NUP98: variants seen among roughly 807,000 people sequenced by gnomAD.
The protein encoded by NUP98 is nucleoporin 98 and 96 precursor.
NUP98 carries 26 observed loss-of-function variants against 191.9 expected under a neutral mutation model. That is an observed-to-expected ratio of 0.14 (90% CI 0.10 to 0.19). NUP98 has a LOEUF of 0.19. Among genes scored for constraint, NUP98 ranks in the 10% least tolerant of loss-of-function variants. NUP98 has a pLI of 1.00. For missense variants in NUP98, 1,941 were observed against 2,178.8 expected, an observed-to-expected ratio of 0.89 and a Z score of 2.17; for synonymous variants, 808 against 778.4, an observed-to-expected ratio of 1.04 and a Z score of -0.63.
At chr11:3,790,323 G>A (rs971822554) in intron 1 of NUP98, among the ~76,000 whole-genome samples, 3 of 152,144 alleles carry the variant, frequency 2.0e-5, no homozygotes, top group African/African-American at 7.2e-5. Context: ...AAGCTGCTCT[G>A]GCTGAAGTGA....
intron 20 of NUP98, among the ~76,000 whole-genome samples, chr11:3,708,302 G>C (rs1327886663): frequency 2.0e-5 from 3 of 152,114 alleles, no homozygotes; most frequent in Non-Finnish European, 4.4e-5. Flanking sequence ...AGAAAAAATG[G>C]GGAGGGGGAG....
chr11:3,705,826 T>C (rs892710519), intron 21 of NUP98, among the ~76,000 whole-genome samples: 4 of 152,210 alleles, frequency 2.6e-5, no homozygotes, highest in African/African-American at 9.6e-5. Flanking sequence ...ACAGCTATTA[T>C]ATGACTTGCA....
chr11:3,741,812 T>C (rs927732228), intron 12 of NUP98, among the ~76,000 whole-genome samples: 1 of 152,182 alleles, frequency 6.6e-6, no homozygotes, highest in Non-Finnish European at 1.5e-5. Flanking sequence ...ACAAGAGCAT[T>C]AGACCATCAG....
chr11:3,779,116 G>A, intron 3 of NUP98, 40 bp downstream of exon 3: 1 of 1,612,356 alleles, frequency 6.2e-7, no homozygotes, highest in East Asian at 2.2e-5. Context: ...TCCTATACTA[G>A]CTACAAACAA....
Position 3,725,213 on chromosome 11 carries a change from G to A in NUP98, c.1737C>T (p.Ser579=). Residue 579 remains serine, a synonymous_variant, in exon 15 of 33, where the codon AGC becomes AGT. Transcript: ENST00000324932. ...GGTTCTTCAAAACCAACTTCTTAAT[G>A]CTCTTCCTATAAACAAGAAACCAAA... ...LANGAFMPKK[S]IKKLVLKNLN... is the part of the protein sequence containing the mutation. The A allele has an allele frequency of 2.7e-6, 4 of 1,456,050 alleles. No individual in the cohort carries two copies. Among genetic ancestry groups the A allele is most frequent in the Non-Finnish European group, 3.8e-6 (4 of 1,041,796 alleles). The allele number at this position is 1,456,050 out of a possible 1,614,324, so 90.2% of individuals were successfully genotyped here. A position where few individuals can be genotyped will look rare whatever the true frequency, so the allele number is the denominator to read the frequency against.
At chr11:3,797,081 G>A (rs1271545942) in intron 1 of NUP98, among the ~76,000 whole-genome samples, 2 of 152,250 alleles carry the variant, frequency 1.3e-5, no homozygotes, top group African/African-American at 4.8e-5. Context: ...ACCCCGGAAA[G>A]GCCAGCCCAC....
chr11:3,797,161 G>A (rs1319507317), intron 1 of NUP98, among the ~76,000 whole-genome samples: 2 of 152,254 alleles, frequency 1.3e-5, no homozygotes, highest in Non-Finnish European at 2.9e-5. Context: ...GGCAGCAACT[G>A]GAGACCTCCA....
chr11:3,702,311 A>ACTCTCTCT (rs2078716567), intron 23 of NUP98, 152 bp downstream of exon 23: 11 of 423,994 alleles, frequency 2.6e-5, no homozygotes, highest in Admixed American at 4.5e-5. Context: ...ACACACACAC[A>ACTCTCTCT]CACTCTCTCT....
chr11:3,782,194 TA>T, intron 1 of NUP98, 49 bp from the exon 2 acceptor site: 1 of 998,842 alleles, frequency 1.0e-6, no homozygotes, highest in Non-Finnish European at 1.5e-6. Context: ...CAAAATGGAA[TA>T]TAATTGTTTT....
intron 31 of NUP98, among the ~76,000 whole-genome samples, chr11:3,676,888 A>G (rs1458119536): frequency 2.6e-5 from 4 of 152,194 alleles, no homozygotes; most frequent in Admixed American, 6.5e-5. Context: ...TTAATAACAC[A>G]GCACCAAAAA....
intron 20 of NUP98, among the ~76,000 whole-genome samples, chr11:3,710,845 C>T (rs2079007377): frequency 6.6e-6 from 1 of 152,186 alleles, no homozygotes; most frequent in Admixed American, 6.5e-5. Flanking sequence ...GTAAACAAAA[C>T]CTAAAGTCTG....
In NUP98 at chr11:3,768,649, T is replaced by C. The variant is rs1336967788; in HGVS notation, c.880A>G (p.Thr294Ala). Residue 294 changes from threonine (T) to alanine (A), a missense_variant, in exon 8 of 33, where the codon ACC becomes GCC. Transcript: ENST00000324932. ...AAGGAAAAGCCAGTGTTCTGGGTGG[T>C]TGTAGCCTGGCCAAATGGTTTGCTG... The part of the protein sequence containing the change: ...LFSKPFGQAT[T>A]TQNTGFSFGN... 1 of 1,611,948 alleles carries C rather than the reference T, an allele frequency of 6.2e-7. No homozygotes were observed. Among genetic ancestry groups the C allele is most frequent in the East Asian group, 2.2e-5 (1 of 44,878 alleles).
intron 25 of NUP98, among the ~76,000 whole-genome samples, chr11:3,697,820 TAAAAAAAA>T (rs199874258): frequency 4.1e-5 from 4 of 97,158 alleles, no homozygotes; most frequent in South Asian, 7.4e-4. Context: ...GACTCTGTCT[TAAAAAAAA>T]AAAAAAAAAA....
chr11:3,781,325 G>T (rs2081959685), intron 2 of NUP98: 1 of 151,758 alleles, frequency 6.6e-6, no homozygotes. Flanking sequence ...TGTTAAAGTT[G>T]GGATATAAGT....
At chr11:3,759,610 A>C (rs904752119) in intron 10 of NUP98, among the ~76,000 whole-genome samples, 4 of 152,108 alleles carry the variant, frequency 2.6e-5, no homozygotes, top group African/African-American at 9.7e-5. Flanking sequence ...AAAATAAATA[A>C]ATAAATAAAT....
At chr11:3,676,688 T>G in intron 31 of NUP98, 68 bp from the exon 32 acceptor site, 1 of 1,213,408 alleles carries the variant, frequency 8.2e-7, no homozygotes. Flanking sequence ...ACCTATAGAC[T>G]CTACACAAAA....
intron 2 of NUP98, among the ~76,000 whole-genome samples, chr11:3,779,583 G>A (rs1371620364): frequency 6.6e-6 from 1 of 151,968 alleles, no homozygotes; most frequent in Non-Finnish European, 1.5e-5. Flanking sequence ...AGAGGTTTCG[G>A]TGAGCCAAGA....
intron 14 of NUP98, 38 bp from the exon 15 acceptor site, chr11:3,725,257 C>T (rs1426823374): frequency 1.1e-6 from 1 of 948,914 alleles, no homozygotes; most frequent in Admixed American, 1.9e-5. Context: ...AAAAAAATTA[C>T]TCAGGCATAC....
At chr11:3,722,649 A>G (rs749237171) in intron 16 of NUP98, among the ~76,000 whole-genome samples, 28 of 151,974 alleles carry the variant, frequency 1.8e-4, no homozygotes, top group African/African-American at 9.7e-5. Context: ...AAACATGGCA[A>G]AACAAAAGAT....
Sources: gnomAD v4.1 joint callset for allele counts (sites outside exome capture counted in the v4.1 genomes callset) on GRCh38, gnomAD v4.1.1 for gene constraint, MANE v1.5 for transcripts, NCBI Gene and HGNC (gene_info 2026-07-23, HGNC 2026-07-21) for gene names.